The following ASMTL variants were observed in gnomAD, a reference collection of about 807,000 sequenced individuals.
ASMTL encodes probable bifunctional dTTP/UTP pyrophosphatase/methyltransferase protein.
In ASMTL, 57 loss-of-function variants were observed where a neutral mutation model predicts 60.3. The observed-to-expected ratio is 0.95, with a 90% CI of 0.76 to 1.18. The LOEUF (loss-of-function observed/expected upper bound fraction) is 1.18, where lower values mean the gene tolerates loss of function less well. Among genes scored for constraint, ASMTL ranks in the 50% most tolerant of loss-of-function variants. The probability of loss-of-function intolerance (pLI) is 0.00; values close to 1 mark genes in which losing one functional copy is unlikely to be tolerated. For missense variants in ASMTL, 981 were observed against 852.6 expected (o/e 1.15, Z -1.88); for synonymous variants, 419 against 373.0 (o/e 1.12, Z -1.42).
chrX:1,431,981 C>G (rs1196512620), intron 6 of ASMTL: 5 of 481,002 alleles, frequency 1.0e-5, no homozygotes, highest in East Asian at 3.6e-5. Context: ...CCTCCTCCCA[C>G]CACGTGAACT....
chrX:1,405,024 GGATGAATA>G (rs1305374460), intron 12 of ASMTL, among the ~76,000 whole-genome samples: 53 of 151,718 alleles, frequency 3.5e-4, no homozygotes, highest in African/African-American at 1.2e-3. Flanking sequence ...ATGGATGAAT[GGATGAATA>G]GATGGTAGAT....
intron 12 of ASMTL, among the ~76,000 whole-genome samples, chrX:1,406,044 T>C (rs767961470): frequency 6.6e-6 from 1 of 150,452 alleles, no homozygotes; most frequent in South Asian, 2.1e-4. Flanking sequence ...AGACGATGGG[T>C]AGGTAGGTGG....
chrX:1,436,397 G>T (rs2090965647), intron 3 of ASMTL, among the ~76,000 whole-genome samples: 1 of 151,876 alleles, frequency 6.6e-6, no homozygotes, highest in African/African-American at 2.4e-5. Context: ...CTATCACCCA[G>T]GCTGGAGTGC....
intron 2 of ASMTL, chrX:1,441,571 C>T (rs1354505237): frequency 6.6e-6 from 1 of 152,162 alleles, no homozygotes; most frequent in Non-Finnish European, 1.5e-5. Context: ...GCCACCGCGA[C>T]CGGCCACAAG....
chrX:1,427,700 G>T (rs1206498064), intron 7 of ASMTL, 34 bp downstream of exon 7: 1 of 1,570,274 alleles, frequency 6.4e-7, no homozygotes, highest in African/African-American at 1.3e-5. Flanking sequence ...AGGCTCATTT[G>T]TGAAATGTGG....
At chrX:1,418,326 T>A (rs1171083701) in intron 10 of ASMTL, among the ~76,000 whole-genome samples, 1 of 152,064 alleles carries the variant, frequency 6.6e-6, no homozygotes, top group East Asian at 1.9e-4. Context: ...AGGGAAATCC[T>A]TCCAGCCCAG....
rs1442722863 is a variant in ASMTL, at chrX:1,452,903, G to T, written c.-63C>A. 7.6e-7 allele frequency: 1 copy of T among 1,322,486 alleles called. No individual in the cohort carries two copies. Among genetic ancestry groups the T allele is most frequent in the African/African-American group, 1.6e-5 (1 of 64,514 alleles). The allele number at this position is 1,322,486 out of a possible 1,614,324, so 81.9% of individuals were successfully genotyped here. A position where few individuals can be genotyped will look rare whatever the true frequency, so the allele number is the denominator to read the frequency against. ...GCCCGGAGCCCGCGGTGCGCGCAGCGCGGCTGCAAAAAAAACAGGCGGCCA... is the reference window on the plus strand; with the variant it reads ...GCCCGGAGCCCGCGGTGCGCGCAGCTCGGCTGCAAAAAAAACAGGCGGCCA... On this transcript the variant is annotated 5_prime_UTR_variant, in exon 1 of 13. Transcript: ENST00000381317.
In ASMTL at chrX:1,448,563, CCACCATCTTGGACACA is replaced by C. The variant is rs1200690866; in HGVS notation, c.93+4169_93+4184del. 5.3e-5 allele frequency among the ~76,000 whole-genome samples: 8 copies of C among 151,730 alleles called. No individual in the cohort carries two copies. The East Asian group carries it at 1.2e-3, about 22-fold the overall frequency. ...CACACACTGCCATCTTGGATAAGCACCACCATCTTGGACACACACCATCTTGGACACACACGGCCAT... is the reference window on the plus strand; with the variant it reads ...CACACACTGCCATCTTGGATAAGCACCACCATCTTGGACACACACGGCCAT... On this transcript the variant is annotated intron_variant, in intron 1 of 12. Transcript: ENST00000381317.
At chrX:1,429,444 C>T (rs1221182302) in intron 6 of ASMTL, among the ~76,000 whole-genome samples, 1 of 152,030 alleles carries the variant, frequency 6.6e-6, no homozygotes, top group African/African-American at 2.4e-5. Flanking sequence ...GTGATCCTCC[C>T]GTCTTGGCTT....
intron 9 of ASMTL, 93 bp downstream of exon 9, chrX:1,421,565 C>G (rs1276241931): frequency 7.3e-7 from 1 of 1,370,804 alleles, no homozygotes; most frequent in African/African-American, 1.4e-5. Flanking sequence ...AGACTGGAGA[C>G]AGACTGGTCA....
At chrX:1,423,936 C>T (rs1298867265) in intron 8 of ASMTL, among the ~76,000 whole-genome samples, 1 of 151,324 alleles carries the variant, frequency 6.6e-6, no homozygotes, top group Non-Finnish European at 1.5e-5. Context: ...ATCCACTGAT[C>T]CATGCACCCA....
chrX:1,419,208 C>T, intron 9 of ASMTL, 94 bp from the exon 10 acceptor site: 2 of 1,457,488 alleles, frequency 1.4e-6, no homozygotes, highest in African/African-American at 1.4e-5. Context: ...GTGCAGGGCT[C>T]CAGAGCGTGG....
intron 1 of ASMTL, among the ~76,000 whole-genome samples, chrX:1,450,489 C>T (rs2091334659): frequency 7.1e-6 from 1 of 141,444 alleles, no homozygotes; most frequent in African/African-American, 2.7e-5. Flanking sequence ...TTGGATTACT[C>T]TCCCCTCCCT....
intron 1 of ASMTL, among the ~76,000 whole-genome samples, chrX:1,449,986 GGTAACTACGCCCCATCACCA>G (rs2091322130): frequency 7.6e-6 from 1 of 131,752 alleles, no homozygotes; most frequent in African/African-American, 2.9e-5. Context: ...CCTCATCACC[GGTAACTACGCCCCATCACCA>G]GTAACTATCT....
Position 1,421,726 on chromosome X carries a change from A to G in ASMTL, c.1177T>C (p.Phe393Leu), listed in dbSNP as rs780927311. 1.2e-6 allele frequency: 2 copies of G among 1,613,620 alleles called. No individual in the cohort carries two copies. Among genetic ancestry groups the G allele is most frequent in the Non-Finnish European group, 1.7e-6 (2 of 1,179,782 alleles). ...TGGTTTGTTCCCTCTCGGATGGCAA[A>G]CTCCAGGTATGTAAAGAGGTTCCAT... Reference protein sequence around the residue: ...LTWNLFTYLEFAIREGTNQHH... With the variant: ...LTWNLFTYLELAIREGTNQHH... Residue 393 changes from phenylalanine to leucine, a missense_variant, in exon 9 of 13, where the codon TTT becomes CTT. Phe to Leu is a conservative substitution (Grantham distance 22). Coordinates refer to ENST00000381317, the MANE Select transcript of ASMTL (RefSeq NM_004192.4).
chrX:1,450,155 T>C (rs192227143), intron 1 of ASMTL, among the ~76,000 whole-genome samples: 2 of 151,258 alleles, frequency 1.3e-5, no homozygotes, highest in South Asian at 2.1e-4. Context: ...CCTATAACTA[T>C]CCGCCTGTCA....
chrX:1,416,234 C>T (rs1448586958), intron 11 of ASMTL, among the ~76,000 whole-genome samples: 1 of 146,462 alleles, frequency 6.8e-6, no homozygotes, highest in Non-Finnish European at 1.5e-5. Context: ...CGCAGACATG[C>T]ACAGATGGGC....
At chrX:1,412,458 C>G (rs1259584265) in intron 12 of ASMTL, among the ~76,000 whole-genome samples, 1 of 152,156 alleles carries the variant, frequency 6.6e-6, no homozygotes, top group Non-Finnish European at 1.5e-5. Flanking sequence ...GAACTGCTCA[C>G]CCCGGGTGAT....
At chrX:1,428,646 C>CAAATAAACAAATAAATAAAT (rs2090681086) in intron 6 of ASMTL, among the ~76,000 whole-genome samples, 2 of 134,420 alleles carry the variant, frequency 1.5e-5, no homozygotes, top group African/African-American at 5.5e-5. Flanking sequence ...GACTCCGTCT[C>CAAATAAACAAATAAATAAAT]AAATAAATAA....
Sources: allele counts gnomAD v4.1 joint callset (sites outside exome capture counted in the v4.1 genomes callset), GRCh38; gene constraint gnomAD v4.1.1; transcripts MANE v1.5; gene names NCBI Gene and HGNC (gene_info 2026-07-23, HGNC 2026-07-21).